The following RGS6 variants were observed in gnomAD, a reference collection of about 807,000 sequenced individuals.
RGS6 encodes regulator of G protein signaling 6.
Under a neutral mutation model 78.5 loss-of-function variants are expected in RGS6, and 30 were observed. That is an observed-to-expected ratio of 0.38 (90% CI 0.29 to 0.52). The LOEUF (loss-of-function observed/expected upper bound fraction) is 0.52. RGS6 is among the 20% of genes least tolerant of loss of function. The probability of loss-of-function intolerance (pLI) is 0.85; values close to 1 mark genes in which losing one functional copy is unlikely to be tolerated. For missense variants in RGS6, 495 were observed against 609.7 expected, an observed-to-expected ratio of 0.81 and a Z score of 1.98; for synonymous variants, 206 against 206.0, an observed-to-expected ratio of 1.00 and a Z score of 0.00.
intron 2 of RGS6, among the ~76,000 whole-genome samples, chr14:72,154,625 G>C (rs770359026): frequency 6.6e-5 from 10 of 152,300 alleles, no homozygotes; most frequent in East Asian, 3.9e-4. Context: ...GGGATCTAAT[G>C]TCTGACTTTG....
At chr14:72,313,118 T>G (rs760044624) in intron 2 of RGS6, among the ~76,000 whole-genome samples, 1 of 152,228 alleles carries the variant, frequency 6.6e-6, no homozygotes, top group African/African-American at 2.4e-5. Context: ...TGTCAGTACC[T>G]TGTGTCTCAA....
the RGS6 span, among the ~76,000 whole-genome samples, chr14:71,916,154 A>G: frequency 6.6e-6 from 1 of 152,244 alleles, no homozygotes; most frequent in African/African-American, 2.4e-5. Flanking sequence ...TGTAGCAGAC[A>G]TGTCCCCTCT....
At chr14:72,613,129 G>A in the RGS6 span, among the ~76,000 whole-genome samples, 8 of 152,216 alleles carry the variant, frequency 5.3e-5, no homozygotes, top group East Asian at 1.9e-4. Flanking sequence ...GCAGAGAGGC[G>A]AGCAAATGAG....
chr14:72,209,082 T>C (rs1292346149), intron 2 of RGS6, among the ~76,000 whole-genome samples: 1 of 152,000 alleles, frequency 6.6e-6, no homozygotes, highest in Non-Finnish European at 1.5e-5. Flanking sequence ...AAAACCCATT[T>C]CTACAAAAAT....
chr14:72,603,318 A>G, the RGS6 span, among the ~76,000 whole-genome samples: 1 of 152,346 alleles, frequency 6.6e-6, no homozygotes, highest in East Asian at 1.9e-4. Context: ...ACAGATGGGT[A>G]AAGGCCTAGG....
At chr14:72,256,851 T>A (rs2057186411) in intron 2 of RGS6, among the ~76,000 whole-genome samples, 1 of 152,220 alleles carries the variant, frequency 6.6e-6, no homozygotes, top group Admixed American at 6.5e-5. Flanking sequence ...CTTTACTCAG[T>A]TGTATAATTT....
At position 72,460,588 on chromosome 14, in the gene RGS6, TTC is replaced by T. The variant is rs75385841; in HGVS notation, c.394+907_394+908del. 2.6e-3 allele frequency among the ~76,000 whole-genome samples: 396 copies of T among 152,332 alleles called. 17 individuals carry two copies. In the East Asian group the frequency reaches 0.058, roughly 22 times the overall value. On this transcript the variant is annotated intron_variant, in intron 6 of 17. Transcript: ENST00000553525. ...ATCTGAGTGGCTCCAAAACCCATAC[TTC>T]TTTCACGGTCCCATGTGTGACATGC...
rs149366786 is a variant in RGS6, at chr14:72,354,592, T to A, written c.184+2398T>A. Among the ~76,000 whole-genome samples the A allele has an allele frequency of 4.6e-5, 7 of 152,018 alleles. No homozygotes were observed. The East Asian group carries it at 1.4e-3, about 29-fold the overall frequency. ...TTGCAGTGAGCAGAGGTCACGCCAC[T>A]GCACTCCAGCATGGGCAACAGAGTG... On this transcript the variant is annotated intron_variant, in intron 3 of 17. Coordinates refer to ENST00000553525, the MANE Select transcript of RGS6 (RefSeq NM_001204424.2).
chr14:72,075,556 A>G (rs1297780219), intron 2 of RGS6, among the ~76,000 whole-genome samples: 1 of 152,104 alleles, frequency 6.6e-6, no homozygotes, highest in Non-Finnish European at 1.5e-5. Flanking sequence ...AATATATGAC[A>G]TGTTCACTAT....
chr14:72,178,932 G>A (rs77079660), intron 2 of RGS6, among the ~76,000 whole-genome samples: 1,594 of 152,248 alleles, frequency 0.01, 25 homozygotes, highest in African/African-American at 0.035. Context: ...GAAAGTCCCC[G>A]CCTTGGGTTT....
At chr14:72,049,702 C>T (rs189620003) in intron 2 of RGS6, among the ~76,000 whole-genome samples, 14 of 152,322 alleles carry the variant, frequency 9.2e-5, no homozygotes, top group African/African-American at 3.1e-4. Flanking sequence ...TTGTCTCTGA[C>T]ATCCTCTTGC....
At chr14:72,368,506 C>T (rs1046437262) in intron 3 of RGS6, among the ~76,000 whole-genome samples, 2 of 152,120 alleles carry the variant, frequency 1.3e-5, no homozygotes, top group Non-Finnish European at 2.9e-5. Context: ...CAAGAAACAG[C>T]CTCTGTTTTA....
chr14:72,216,650 C>G (rs547195060), intron 2 of RGS6, among the ~76,000 whole-genome samples: 1 of 152,256 alleles, frequency 6.6e-6, no homozygotes, highest in Admixed American at 6.5e-5. Flanking sequence ...AACATAAGCT[C>G]AAAATGACAC....
chr14:72,353,520 C>T (rs140407030), intron 3 of RGS6, among the ~76,000 whole-genome samples: 26 of 152,216 alleles, frequency 1.7e-4, no homozygotes, highest in African/African-American at 6.3e-4. Context: ...CATCACAAAA[C>T]CGTAGTGATA....
At chr14:72,191,894 A>T (rs7494363) in intron 2 of RGS6, among the ~76,000 whole-genome samples, 23,540 of 152,126 alleles carry the variant, frequency 0.15, 1,888 homozygotes, top group South Asian at 0.2. Flanking sequence ...AACTCGATCA[A>T]GTGCTCCTTC....
At chr14:72,409,483 G>A (rs905916571) in intron 3 of RGS6, among the ~76,000 whole-genome samples, 27 of 151,028 alleles carry the variant, frequency 1.8e-4, no homozygotes, top group African/African-American at 2.4e-4. Context: ...GGAATGCTTC[G>A]GCTTAATGAC....
chr14:72,094,115 T>C lies in RGS6; in HGVS notation c.84+129240T>C, dbSNP rs973586651. Among the ~76,000 whole-genome samples, 10 of 152,326 alleles carry C rather than the reference T, an allele frequency of 6.6e-5. 1 individual carries two copies. Among genetic ancestry groups the C allele is most frequent in the African/African-American group, 2.2e-4 (9 of 41,584 alleles). Reference sequence around the variant, plus strand: ...TGTATCATAAATTACCTAAAGAATTTCTGGACAGGAAAATGCTACTCTCCT... The same window carrying C: ...TGTATCATAAATTACCTAAAGAATTCCTGGACAGGAAAATGCTACTCTCCT... On this transcript the variant is annotated intron_variant, in intron 2 of 17. Coordinates refer to ENST00000553525, the MANE Select transcript of RGS6 (RefSeq NM_001204424.2).
chr14:72,509,336 G>A (rs1423034153), intron 13 of RGS6, among the ~76,000 whole-genome samples: 1 of 150,398 alleles, frequency 6.6e-6, no homozygotes, highest in Non-Finnish European at 1.5e-5. Flanking sequence ...CTGCACTCCA[G>A]CCTGGGCGGC....
chr14:72,591,168 G>T, the RGS6 span, among the ~76,000 whole-genome samples: 3 of 152,108 alleles, frequency 2.0e-5, no homozygotes, highest in South Asian at 2.1e-4. Context: ...CAAATTTCCT[G>T]CAATGGGCAT....
Sources: allele counts gnomAD v4.1 joint callset (sites outside exome capture counted in the v4.1 genomes callset), GRCh38; gene constraint gnomAD v4.1.1; transcripts MANE v1.5; gene names NCBI Gene and HGNC (gene_info 2026-07-23, HGNC 2026-07-21).